NRG3: variants seen among roughly 807,000 people sequenced by gnomAD.
NRG3 encodes the protein neuregulin 3.
NRG3 carries 31 observed loss-of-function variants against 66.9 expected under a neutral mutation model. That is an observed-to-expected ratio of 0.46 (90% CI 0.35 to 0.63). The LOEUF is 0.63. Ranked by LOEUF, NRG3 falls within the 20% of genes least tolerant of loss-of-function variation. NRG3 has a pLI of 0.00. For missense variants in NRG3, 910 were observed against 878.9 expected (o/e 1.04, Z -0.45); for synonymous variants, 393 against 359.4 (o/e 1.09, Z -1.06).
chr10:82,840,682 T>A (rs2063013149), intron 3 of NRG3, among the ~76,000 whole-genome samples: 1 of 152,160 alleles, frequency 6.6e-6, no homozygotes, highest in Admixed American at 6.5e-5. Flanking sequence ...TATTTTTCTC[T>A]TGTGTCATCG....
intron 2 of NRG3, among the ~76,000 whole-genome samples, chr10:82,417,100 T>G (rs1210852443): frequency 6.6e-6 from 1 of 152,154 alleles, no homozygotes; most frequent in East Asian, 1.9e-4. Context: ...ACTCATTCTT[T>G]CCCTTCAGCT....
intron 2 of NRG3, among the ~76,000 whole-genome samples, chr10:82,392,896 A>ATT (rs565734964): frequency 0.031 from 4,685 of 149,824 alleles, 84 homozygotes; most frequent in South Asian, 0.048. Context: ...ATATATATAT[A>ATT]TATTTTTTGC....
chr10:82,769,261 A>G (rs374076349), intron 3 of NRG3, among the ~76,000 whole-genome samples: 1 of 152,118 alleles, frequency 6.6e-6, no homozygotes, highest in African/African-American at 2.4e-5. Flanking sequence ...TTACCACCCT[A>G]GAATACCTGA....
intron 2 of NRG3, among the ~76,000 whole-genome samples, chr10:82,720,922 C>T (rs1267289502): frequency 6.7e-6 from 1 of 148,332 alleles, no homozygotes. Context: ...GTTCAAGTCA[C>T]TGCTCATCTC....
rs371785344 is a variant in NRG3, at chr10:82,442,218, ACT to A, written c.953+83353_953+83354del. ...ATTCAATTAATAGTCATTGATTCTG[ACT>A]CTATGCTAGAGACACTACTCAGTGT... On this transcript the variant is annotated intron_variant, in intron 2 of 8. Transcript: ENST00000372141. 5.2e-3 allele frequency among the ~76,000 whole-genome samples: 799 copies of A among 152,238 alleles called. 7 individuals are homozygous for A. Among genetic ancestry groups the A allele is most frequent in the African/African-American group, 0.019 (777 of 41,536 alleles).
intron 2 of NRG3, among the ~76,000 whole-genome samples, chr10:82,508,346 C>T (rs1844866047): frequency 6.6e-6 from 1 of 151,986 alleles, no homozygotes. Context: ...CCTGTTGACA[C>T]CAAAATGCTC....
chr10:82,671,247 C>T (rs1168219885), intron 2 of NRG3, among the ~76,000 whole-genome samples: 1 of 152,230 alleles, frequency 6.6e-6, no homozygotes, highest in Non-Finnish European at 1.5e-5. Context: ...TCTCAGTAAG[C>T]TCCAGTTGTT....
rs547578966 is a variant in NRG3 at position 82,020,477 on chromosome 10, T to C, written c.823+144314T>C. ...ATAGGGGAGTTATAAGTATCTAGAA[T>C]AGAAAGTCTTAACTTGGGCCCTGAG... On this transcript the variant is annotated intron_variant, in intron 1 of 8. Coordinates refer to ENST00000372141, the MANE Select transcript of NRG3 (RefSeq NM_001010848.4). Among the ~76,000 whole-genome samples the C allele has an allele frequency of 7.6e-4, 116 of 152,218 alleles. 1 individual carries two copies. Among genetic ancestry groups the C allele is most frequent in the Non-Finnish European group, 1.4e-3 (92 of 68,000 alleles).
intron 1 of NRG3, among the ~76,000 whole-genome samples, chr10:82,155,753 T>C (rs533634795): frequency 1.3e-5 from 2 of 151,868 alleles, no homozygotes; most frequent in Admixed American, 6.6e-5. Context: ...CTGGTGACCA[T>C]GTTATTTTAT....
intron 2 of NRG3, among the ~76,000 whole-genome samples, chr10:82,378,834 G>T (rs972132121): frequency 6.6e-6 from 1 of 152,082 alleles, no homozygotes; most frequent in African/African-American, 2.4e-5. Flanking sequence ...GCCTCCCAAA[G>T]TGCTGGGATT....
At chr10:82,010,191 T>C (rs1321193763) in intron 1 of NRG3, among the ~76,000 whole-genome samples, 13 of 152,210 alleles carry the variant, frequency 8.5e-5, no homozygotes, top group Admixed American at 8.5e-4. Context: ...AAGAATTTCA[T>C]CTTTATTTTA....
At chr10:82,694,105 C>A (rs1021881507) in intron 2 of NRG3, among the ~76,000 whole-genome samples, 1 of 152,110 alleles carries the variant, frequency 6.6e-6, no homozygotes, top group Non-Finnish European at 1.5e-5. Flanking sequence ...CTGATTGGTG[C>A]GTTTTTACAG....
chr10:82,116,279 G>A (rs1458542088), intron 1 of NRG3, among the ~76,000 whole-genome samples: 3 of 152,052 alleles, frequency 2.0e-5, no homozygotes, highest in Non-Finnish European at 4.4e-5. Context: ...ACCCTTAAAA[G>A]GAGGGAAGGA....
chr10:81,965,783 C>G (rs1004696488), intron 1 of NRG3, among the ~76,000 whole-genome samples: 3 of 151,990 alleles, frequency 2.0e-5, no homozygotes. Flanking sequence ...TGGTGTGTGT[C>G]CTAAGAGTTG....
At chr10:82,064,936 G>A (rs1196277173) in intron 1 of NRG3, among the ~76,000 whole-genome samples, 1 of 152,126 alleles carries the variant, frequency 6.6e-6, no homozygotes, top group East Asian at 1.9e-4. Context: ...AACTATTCAT[G>A]CACACATAAA....
At chr10:82,663,302 A>G (rs1241764407) in intron 2 of NRG3, among the ~76,000 whole-genome samples, 1 of 152,206 alleles carries the variant, frequency 6.6e-6, no homozygotes, top group East Asian at 1.9e-4. Context: ...GTCTGAATTC[A>G]TCTGCCATTG....
At chr10:82,842,340 A>G (rs2063097972) in intron 3 of NRG3, among the ~76,000 whole-genome samples, 1 of 152,224 alleles carries the variant, frequency 6.6e-6, no homozygotes. Context: ...AACTTGGCTT[A>G]CCGAATGATC....
At chr10:82,664,398 T>C (rs1165175885) in intron 2 of NRG3, among the ~76,000 whole-genome samples, 1 of 152,192 alleles carries the variant, frequency 6.6e-6, no homozygotes. Flanking sequence ...GAGACTGTTT[T>C]CATCAGTGGT....
intron 1 of NRG3, among the ~76,000 whole-genome samples, chr10:82,017,509 A>G (rs375870013): frequency 1.8e-4 from 27 of 151,512 alleles, no homozygotes; most frequent in Non-Finnish European, 2.8e-4. Context: ...CTGAGGAATC[A>G]CCACACTGAC....
Sources: gnomAD v4.1 joint callset for allele counts (sites outside exome capture counted in the v4.1 genomes callset) on GRCh38, gnomAD v4.1.1 for gene constraint, MANE v1.5 for transcripts, NCBI Gene and HGNC (gene_info 2026-07-23, HGNC 2026-07-21) for gene names.